STRADA: variants seen among roughly 807,000 people sequenced by gnomAD.
The protein encoded by STRADA is STE20-related kinase adapter protein alpha.
STRADA carries 26 observed loss-of-function variants against 55.0 expected under a neutral mutation model. The ratio of observed to expected loss-of-function variants is 0.47; its 90% confidence interval spans 0.35 to 0.66. The LOEUF (loss-of-function observed/expected upper bound fraction) is 0.66. Ranked by LOEUF, STRADA falls within the 30% of genes least tolerant of loss-of-function variation. The pLI is 0.01. For synonymous variants in STRADA, 197 were observed against 210.9 expected, an observed-to-expected ratio of 0.93 and a Z score of 0.57; for missense variants, 443 against 549.7, an observed-to-expected ratio of 0.81 and a Z score of 1.94.
intron 12 of STRADA, 97 bp from the exon 13 acceptor site, chr17:63,703,848 C>G (rs556628752): frequency 3.7e-6 from 6 of 1,610,256 alleles, no homozygotes; most frequent in African/African-American, 1.3e-5. Context: ...GACGGGCTGT[C>G]GGAGCCAACT....
chr17:63,709,216 C>T (rs895744713), intron 8 of STRADA, among the ~76,000 whole-genome samples: 2 of 152,202 alleles, frequency 1.3e-5, no homozygotes, highest in African/African-American at 4.8e-5. Context: ...ACTGGCAGCA[C>T]CGGGCATCTT....
chr17:63,710,366 G>A, intron 8 of STRADA, 125 bp downstream of exon 8: 1 of 1,469,276 alleles, frequency 6.8e-7, no homozygotes, highest in Non-Finnish European at 9.2e-7. Context: ...GAGATCTTCA[G>A]CAAGAATCCA....
intron 1 of STRADA, among the ~76,000 whole-genome samples, chr17:63,732,448 T>G (rs577212343): frequency 6.7e-6 from 1 of 150,206 alleles, no homozygotes; most frequent in African/African-American, 2.5e-5. Context: ...GCCTTCTGAA[T>G]AGCTGGGACC....
chr17:63,737,984 C>T (rs1191097886), intron 1 of STRADA, among the ~76,000 whole-genome samples: 1 of 146,422 alleles, frequency 6.8e-6, no homozygotes, highest in Non-Finnish European at 1.5e-5. Flanking sequence ...GGGACCCCGT[C>T]GAAAAGAAAA....
At chr17:63,739,697 AAT>A (rs2038720974) in intron 1 of STRADA, among the ~76,000 whole-genome samples, 1 of 148,636 alleles carries the variant, frequency 6.7e-6, no homozygotes, top group African/African-American at 2.5e-5. Context: ...ATAGTGTATT[AAT>A]ATGTATACAT....
upstream of STRADA, chr17:63,741,945 A>AGGCCCTAGCAGCCGCCGCC (rs2038987615): frequency 6.6e-6 from 1 of 152,150 alleles, no homozygotes; most frequent in African/African-American, 2.4e-5. Flanking sequence ...CGGCTGCGGC[A>AGGCCCTAGCAGCCGCCGCC]GGCCCTAGCA....
At position 63,731,897 on chromosome 17, in the gene STRADA, T is replaced by G. The variant is rs752280706; in HGVS notation, c.-44-3484A>C. ...TTGTTTTTTATGAGACAGGGTTTCA[T>G]TCTATTGCCCAGGTTAGAGTGCAGT... On this transcript the variant is annotated intron_variant, in intron 1 of 12. Coordinates refer to ENST00000336174, the MANE Select transcript of STRADA (RefSeq NM_001003787.4). 3.3e-5 allele frequency among the ~76,000 whole-genome samples: 5 copies of G among 152,276 alleles called. No homozygotes were observed. The East Asian group carries it at 9.6e-4, about 29-fold the overall frequency.
chr17:63,736,581 T>C (rs2038440754), intron 1 of STRADA, among the ~76,000 whole-genome samples: 1 of 150,984 alleles, frequency 6.6e-6, no homozygotes, highest in Non-Finnish European at 1.5e-5. Context: ...TGAGCCAAGA[T>C]CACGCCATTG....
intron 3 of STRADA, among the ~76,000 whole-genome samples, chr17:63,724,595 G>A (rs1411710284): frequency 6.6e-6 from 1 of 151,960 alleles, no homozygotes; most frequent in Non-Finnish European, 1.5e-5. Flanking sequence ...TGTCTTTTTA[G>A]CAGAGATGGG....
At chr17:63,705,810 G>A (rs976907887) in intron 10 of STRADA, 5 of 152,360 alleles carry the variant, frequency 3.3e-5, no homozygotes, top group African/African-American at 9.7e-5. Flanking sequence ...CTGCCGAGAA[G>A]AGTGTCCTAG....
At chr17:63,706,831 C>G in intron 9 of STRADA, 92 bp from the exon 10 acceptor site, 1 of 964,360 alleles carries the variant, frequency 1.0e-6, no homozygotes, top group Non-Finnish European at 1.6e-6. Flanking sequence ...GATGGCTGTC[C>G]CCACATCAGG....
intron 8 of STRADA, 70 bp from the exon 9 acceptor site, chr17:63,707,488 C>T (rs1396467764): frequency 6.7e-7 from 1 of 1,497,942 alleles, no homozygotes; most frequent in Non-Finnish European, 9.3e-7. Context: ...GGTCTTCACA[C>T]ACTCCACCTG....
At chr17:63,707,558 A>G (rs2036186392) in intron 8 of STRADA, 140 bp from the exon 9 acceptor site, 2 of 762,362 alleles carry the variant, frequency 2.6e-6, no homozygotes, top group African/African-American at 3.5e-5. Flanking sequence ...CATATACATA[A>G]CCATGTTTTT....
chr17:63,720,039 T>G (rs190576228), intron 4 of STRADA, among the ~76,000 whole-genome samples: 4 of 151,988 alleles, frequency 2.6e-5, no homozygotes, highest in African/African-American at 9.6e-5. Context: ...TTTTTTTTTT[T>G]GAGACAGGGT....
chr17:63,723,003 C>T (rs2037412550), intron 4 of STRADA, among the ~76,000 whole-genome samples: 1 of 152,040 alleles, frequency 6.6e-6, no homozygotes, highest in African/African-American at 2.4e-5. Flanking sequence ...ACTGTTGAAA[C>T]TTACTTTTTT....
intron 8 of STRADA, 87 bp downstream of exon 8, chr17:63,710,404 T>A: frequency 6.4e-7 from 1 of 1,573,030 alleles, no homozygotes; most frequent in East Asian, 2.2e-5. Context: ...TCTGGCTTCA[T>A]TAACTTCAGT....
At chr17:63,737,485 A>G (rs561299646) in intron 1 of STRADA, 1 of 143,116 alleles carries the variant, frequency 7.0e-6, no homozygotes, top group African/African-American at 3.0e-5. Flanking sequence ...AACACAATGT[A>G]AATGCCTTCA....
intron 1 of STRADA, among the ~76,000 whole-genome samples, chr17:63,731,269 T>G (rs1324218934): frequency 6.9e-6 from 1 of 144,446 alleles, no homozygotes; most frequent in African/African-American, 2.6e-5. Context: ...TTTTTTTTTT[T>G]TTTTTTTTTT....
At chr17:63,720,236 G>T (rs977163121) in intron 4 of STRADA, among the ~76,000 whole-genome samples, 3 of 151,392 alleles carry the variant, frequency 2.0e-5, no homozygotes, top group Admixed American at 6.6e-5. Flanking sequence ...GTGCAATGGC[G>T]CTATCCTAGC....
Sources: gnomAD v4.1 joint callset for allele counts (sites outside exome capture counted in the v4.1 genomes callset) on GRCh38, gnomAD v4.1.1 for gene constraint, MANE v1.5 for transcripts, NCBI Gene and HGNC (gene_info 2026-07-23, HGNC 2026-07-21) for gene names.